Variants in CCDC57 observed in about 807,000 individuals in gnomAD.
CCDC57 encodes coiled-coil domain containing 57.
A neutral mutation model predicts 118.9 loss-of-function variants in CCDC57; 118 were observed. That is an observed-to-expected ratio of 0.99 (90% CI 0.86 to 1.16). CCDC57 has a LOEUF of 1.16. CCDC57 is among the 50% of genes most tolerant of loss of function. The pLI is 0.00. For missense variants in CCDC57, 1,300 were observed against 1,320.7 expected, an observed-to-expected ratio of 0.98 and a Z score of 0.24; for synonymous variants, 527 against 532.9, an observed-to-expected ratio of 0.99 and a Z score of 0.15.
chr17:82,170,124 C>T (rs527284324), intron 13 of CCDC57, among the ~76,000 whole-genome samples: 86 of 152,274 alleles, frequency 5.6e-4, no homozygotes, highest in Non-Finnish European at 1.0e-3. Context: ...GCTCTCACCC[C>T]GAACATGACT....
exon 4 of CCDC57, chr17:82,198,344 C>T (rs1369061546): frequency 1.2e-6 from 2 of 1,613,598 alleles, no homozygotes; most frequent in East Asian, 2.2e-5. Context: ...CACCGTCGAG[C>T]TCCTCAAGTT....
chr17:82,159,635 C>T lies in CCDC57; in HGVS notation c.2041-1687G>A, dbSNP rs72852816. Among the ~76,000 whole-genome samples the T allele has an allele frequency of 6.8e-3, 1,029 of 151,842 alleles. 4 individuals carry two copies. Among genetic ancestry groups the T allele is most frequent in the Non-Finnish European group, 0.01 (687 of 67,988 alleles). On this transcript the variant is annotated intron_variant, in intron 14 of 19. Coordinates refer to ENST00000665763, the Ensembl canonical transcript of CCDC57. ...GTGGGCATGTTTCAAAACATCATGT[C>T]GCATACCATAGAGATATACAATTTA...
chr17:82,203,904 G>C (rs922022096), intron 2 of CCDC57, among the ~76,000 whole-genome samples: 1 of 152,132 alleles, frequency 6.6e-6, no homozygotes, highest in Admixed American at 6.6e-5. Context: ...TGCATCTCGG[G>C]GCACAGCAAT....
exon 16 of CCDC57, chr17:82,151,735 C>T (rs971621864): frequency 3.2e-6 from 5 of 1,550,348 alleles, no homozygotes; most frequent in Non-Finnish European, 2.6e-6. Context: ...AAAGCTCCCC[C>T]TGGTCCTCGG....
At chr17:82,142,315 G>T (rs9892653) in intron 16 of CCDC57, among the ~76,000 whole-genome samples, 68,223 of 148,104 alleles carry the variant, frequency 0.46, 16,378 homozygotes, top group East Asian at 0.88. Flanking sequence ...AGTTGTGTTT[G>T]TTTTTTTTTT....
chr17:82,210,832 A>T (rs2050127804), intron 1 of CCDC57, among the ~76,000 whole-genome samples: 1 of 151,256 alleles, frequency 6.6e-6, no homozygotes, highest in Non-Finnish European at 1.5e-5. Flanking sequence ...CGTCTCTACT[A>T]AAAATACACA....
intron 19 of CCDC57, among the ~76,000 whole-genome samples, chr17:82,125,158 G>A (rs558701728): frequency 2.0e-5 from 3 of 152,272 alleles, no homozygotes; most frequent in African/African-American, 4.8e-5. Flanking sequence ...CAGAAGGGAA[G>A]CTGCGTCAAT....
At position 82,172,719 on chromosome 17, in the gene CCDC57, G is replaced by A. The variant is rs201302853; in HGVS notation, c.1648C>T (p.Pro550Ser). ...TCTGCCGCTGTCTGGATGGGAGGAGGAATCTGATGGCTTAGAGCCTCCATT... is the reference window on the plus strand; with the variant it reads ...TCTGCCGCTGTCTGGATGGGAGGAGAAATCTGATGGCTTAGAGCCTCCATT... Residue 550 changes from proline (P) to serine (S), a missense_variant, in exon 12 of 20, where the codon CCT becomes TCT. Transcript: ENST00000665763. This position sits in a 1 kb window ranked among gnomAD's most constrained non-coding sequence, Gnocchi z 5.2. The A allele has an allele frequency of 1.3e-3, 2,036 of 1,588,922 alleles. 1 individual carries two copies. The highest frequency in any genetic ancestry group is 1.6e-3 in the Non-Finnish European group (1,895 of 1,167,612).
chr17:82,156,290 CA>C (rs35618937), intron 15 of CCDC57: 67,166 of 143,822 alleles, frequency 0.47, 15,848 homozygotes, highest in East Asian at 0.88. Flanking sequence ...GACTCTGTCT[CA>C]AAAAAAAAAA....
intron 11 of CCDC57, among the ~76,000 whole-genome samples, chr17:82,174,697 C>T (rs1350836796): frequency 6.6e-6 from 1 of 152,230 alleles, no homozygotes; most frequent in Non-Finnish European, 1.5e-5. Context: ...CTATGTCTAA[C>T]TATAATGAAG....
chr17:82,142,611 C>T (rs1325128131), intron 16 of CCDC57, among the ~76,000 whole-genome samples: 2 of 152,012 alleles, frequency 1.3e-5, no homozygotes, highest in African/African-American at 4.8e-5. Flanking sequence ...TATGCCCGGC[C>T]TAGCACTGAA....
chr17:82,158,021 A>G (rs2042881428), intron 14 of CCDC57, 73 bp from the exon 14 acceptor site: 5 of 1,492,710 alleles, frequency 3.3e-6, no homozygotes, highest in South Asian at 1.3e-5. Context: ...GGGCACTGAC[A>G]GGAAGCGCTG....
chr17:82,152,919 C>G (rs1490892219), intron 15 of CCDC57, among the ~76,000 whole-genome samples: 1 of 152,134 alleles, frequency 6.6e-6, no homozygotes, highest in Non-Finnish European at 1.5e-5. Flanking sequence ...GATGACACAT[C>G]GAAGGGGAGA....
chr17:82,192,656 T>C lies in CCDC57; in HGVS notation c.851+1100A>G, dbSNP rs926644424. On this transcript the variant is annotated intron_variant, in intron 7 of 19. Coordinates refer to ENST00000665763, the Ensembl canonical transcript of CCDC57. This position sits in a 1 kb window ranked among gnomAD's most constrained non-coding sequence, Gnocchi z 4.0. ...GCTCGACTGCCTCGGTTTCCTCATC[T>C]AGGTAGAGAACCCGGATGGGTGCCC... is the stretch of plus-strand genomic sequence containing the variant. Among the ~76,000 whole-genome samples, 14 of 152,268 alleles carry C rather than the reference T, an allele frequency of 9.2e-5. No individual in the cohort carries two copies. The highest frequency in any genetic ancestry group is 3.4e-4 in the African/African-American group (14 of 41,552).
chr17:82,113,509 T>C, intron 19 of CCDC57: 1 of 717,580 alleles, frequency 1.4e-6, no homozygotes, highest in South Asian at 1.5e-5. Context: ...GCTGTGATGG[T>C]GACCAGTGAG....
rs1321702349 is a variant in CCDC57, at chr17:82,197,234, A to T, written c.516+1080T>A. 1.6e-3 allele frequency among the ~76,000 whole-genome samples: 176 copies of T among 107,672 alleles called. No homozygotes were observed. In the Middle Eastern group the frequency reaches 0.019, roughly 12 times the overall value. 70.6% of individuals were successfully genotyped at this position (107,672 alleles called of 152,430 possible). ...CTGCAGAGACGCAGCCCCTCGTGACACCTGCACCTGCAGAGACGCAGCCCC... is the reference window on the plus strand; with the variant it reads ...CTGCAGAGACGCAGCCCCTCGTGACTCCTGCACCTGCAGAGACGCAGCCCC... On this transcript the variant is annotated intron_variant, in intron 4 of 19. Transcript: ENST00000665763.
At chr17:82,198,468 G>A (rs192412997) in intron 3 of CCDC57, 46 bp from the exon 3 acceptor site, 4 of 1,291,322 alleles carry the variant, frequency 3.1e-6, no homozygotes, top group Non-Finnish European at 4.4e-6. Flanking sequence ...CAAATATTCA[G>A]CAAAGGTAAT....
intron 17 of CCDC57, among the ~76,000 whole-genome samples, chr17:82,129,475 C>A (rs1377037811): frequency 6.6e-6 from 1 of 152,244 alleles, no homozygotes; most frequent in Non-Finnish European, 1.5e-5. Context: ...CCAGGCACAC[C>A]ATGAGTGTGC....
intron 15 of CCDC57, chr17:82,154,634 G>A (rs986010575): frequency 6.8e-6 from 1 of 147,662 alleles, no homozygotes; most frequent in African/African-American, 2.5e-5. Context: ...GTCCCACATG[G>A]TGTTTCTACA....
Sources: allele counts gnomAD v4.1 joint callset (sites outside exome capture counted in the v4.1 genomes callset), GRCh38; gene constraint gnomAD v4.1.1; non-coding constraint Gnocchi (gnomAD v3.1); transcripts MANE v1.5; gene names NCBI Gene and HGNC (gene_info 2026-07-23, HGNC 2026-07-21).